Variants in MID1 observed in about 807,000 individuals in gnomAD.
MID1 encodes the protein E3 ubiquitin-protein ligase Midline-1.
A neutral mutation model predicts 40.4 loss-of-function variants in MID1; 7 were observed. The ratio of observed to expected loss-of-function variants is 0.17; its 90% confidence interval spans 0.10 to 0.33. MID1 has a LOEUF of 0.33. Ranked by LOEUF, MID1 falls within the 10% of genes least tolerant of loss-of-function variation. The probability of loss-of-function intolerance (pLI) is 1.00; values close to 1 mark genes in which losing one functional copy is unlikely to be tolerated. For missense variants in MID1, 367 were observed against 558.5 expected, an observed-to-expected ratio of 0.66 and a Z score of 3.46; for synonymous variants, 229 against 221.2, an observed-to-expected ratio of 1.04 and a Z score of -0.31.
chrX:10,721,358 A>G (rs1241890779), intron 1 of MID1, among the ~76,000 whole-genome samples: 1 of 110,795 alleles, frequency 9.0e-6, no homozygotes, highest in Non-Finnish European at 1.9e-5. Context: ...TGAATTAAAG[A>G]GTAATTAATA....
chrX:10,765,157 A>T (rs1012683778), intron 1 of MID1, among the ~76,000 whole-genome samples: 1 of 112,050 alleles, frequency 8.9e-6, no homozygotes, highest in Non-Finnish European at 1.9e-5. Context: ...AGAAGTATTC[A>T]TGTGTGAGCC....
chrX:10,720,030 C>T (rs1430713942), intron 1 of MID1, among the ~76,000 whole-genome samples: 14 of 111,844 alleles, frequency 1.3e-4, no homozygotes, highest in Non-Finnish European at 2.6e-4. Flanking sequence ...TTCCTTACAC[C>T]TTATACTAAA....
intron 1 of MID1, among the ~76,000 whole-genome samples, chrX:10,575,915 T>C (rs186908073): frequency 9.1e-6 from 1 of 109,682 alleles, no homozygotes; most frequent in Non-Finnish European, 1.9e-5. Flanking sequence ...AGCCTCCAAA[T>C]GTCAGCACAC....
At chrX:10,667,394 C>G (rs1180030146) in intron 1 of MID1, among the ~76,000 whole-genome samples, 1 of 111,674 alleles carries the variant, frequency 9.0e-6, no homozygotes, top group African/African-American at 3.3e-5. Context: ...TCCCACCAGA[C>G]TCTGCTGGAT....
At chrX:10,582,068 GGTAT>G in intron 1 of MID1, among the ~76,000 whole-genome samples, 1 of 111,808 alleles carries the variant, frequency 8.9e-6, no homozygotes, top group East Asian at 2.8e-4. Context: ...TTACTCAAAT[GGTAT>G]GTGTTTCATG....
chrX:10,497,028 G>C (rs1328763591), intron 3 of MID1, among the ~76,000 whole-genome samples: 1 of 112,338 alleles, frequency 8.9e-6, no homozygotes, highest in Admixed American at 9.4e-5. Context: ...ATATTTCAAG[G>C]AGGATAATCA....
At chrX:10,551,192 T>C (rs184992323) in intron 2 of MID1, among the ~76,000 whole-genome samples, 1 of 112,673 alleles carries the variant, frequency 8.9e-6, no homozygotes, top group Non-Finnish European at 1.9e-5. Context: ...TAAAAGTCTA[T>C]ACATGTTCAG....
rs2043405454 is a variant in MID1, at chrX:10,727,824, G to C, written c.-187+105730C>G. On this transcript the variant is annotated intron_variant, in intron 1 of 10. Coordinates refer to the MID1 transcript ENST00000380785. ...GGGGTGACTTCTGTGAGAATAAGCA[G>C]TGCTGGCCTTTCCTGGGAAATGTGC... is the stretch of plus-strand genomic sequence containing the variant. Among the ~76,000 whole-genome samples, 3 of 111,922 alleles carry C rather than the reference G, an allele frequency of 2.7e-5. No individual in the cohort carries two copies. In the South Asian group the frequency reaches 1.1e-3, roughly 42 times the overall value.
intron 1 of MID1, among the ~76,000 whole-genome samples, chrX:10,710,493 TTA>T (rs969991687): frequency 6.4e-5 from 7 of 108,567 alleles, no homozygotes; most frequent in Non-Finnish European, 5.7e-5. Flanking sequence ...AGTACATATA[TTA>T]TATATATATA....
upstream of MID1, among the ~76,000 whole-genome samples, chrX:10,623,795 G>T (rs1336323848): frequency 8.9e-6 from 1 of 111,869 alleles, no homozygotes; most frequent in African/African-American, 3.3e-5. Context: ...AGCTGAAGTT[G>T]TCTATGCAGC....
At chrX:10,525,254 C>G (rs1020067431) in intron 2 of MID1, among the ~76,000 whole-genome samples, 2 of 112,035 alleles carry the variant, frequency 1.8e-5, no homozygotes, top group Non-Finnish European at 3.8e-5. Flanking sequence ...GCAGAACTTT[C>G]TGGTTATTTT....
upstream of MID1, among the ~76,000 whole-genome samples, chrX:10,622,356 A>C (rs1935944382): frequency 9.0e-6 from 1 of 110,770 alleles, no homozygotes; most frequent in African/African-American, 3.3e-5. Context: ...TGCTTTCATC[A>C]CCTCAAAGGT....
At chrX:10,503,915 C>G (rs1336036409) in intron 3 of MID1, among the ~76,000 whole-genome samples, 1 of 112,268 alleles carries the variant, frequency 8.9e-6, no homozygotes, top group Non-Finnish European at 1.9e-5. Flanking sequence ...GGCAATAAAA[C>G]TGCCTAGCAA....
intron 1 of MID1, among the ~76,000 whole-genome samples, chrX:10,715,360 T>C (rs1683580308): frequency 8.9e-6 from 1 of 112,136 alleles, no homozygotes; most frequent in East Asian, 2.8e-4. Flanking sequence ...TACTGTGCTT[T>C]TCCAATGGTC....
At chrX:10,567,658 G>A in intron 1 of MID1, 55 bp from the exon 2 acceptor site, 1 of 862,742 alleles carries the variant, frequency 1.2e-6, no homozygotes, top group Non-Finnish European at 1.7e-6. Context: ...CCATAGGGGG[G>A]TGTCAGCTTT....
chrX:10,465,250 CACACACACACAT>C (rs1219098252), intron 7 of MID1, among the ~76,000 whole-genome samples: 33 of 98,703 alleles, frequency 3.3e-4, no homozygotes, highest in African/African-American at 1.2e-3. Context: ...CACACACACA[CACACACACACAT>C]ACATATATGA....
chrX:10,484,497 C>T (rs911060032), intron 4 of MID1, among the ~76,000 whole-genome samples: 1 of 111,773 alleles, frequency 8.9e-6, no homozygotes, highest in Non-Finnish European at 1.9e-5. Flanking sequence ...AATAAAAGAG[C>T]CCTAAATCAT....
At chrX:10,636,930 C>T (rs1263948451) in intron 1 of MID1, among the ~76,000 whole-genome samples, 4 of 103,412 alleles carry the variant, frequency 3.9e-5, no homozygotes, top group African/African-American at 1.4e-4. Flanking sequence ...GCACAGAGAT[C>T]TGTCCATCAG....
intron 1 of MID1, among the ~76,000 whole-genome samples, chrX:10,704,988 T>C (rs933786721): frequency 3.6e-5 from 4 of 110,446 alleles, no homozygotes; most frequent in Non-Finnish European, 7.6e-5. Context: ...GGTCTTGAAC[T>C]CCTGACCTCG....
Sources: gnomAD v4.1 joint callset for allele counts (sites outside exome capture counted in the v4.1 genomes callset) on GRCh38, gnomAD v4.1.1 for gene constraint, MANE v1.5 for transcripts, NCBI Gene and HGNC (gene_info 2026-07-23, HGNC 2026-07-21) for gene names.